The following CTNNA2 variants were observed in gnomAD, a reference collection of about 807,000 sequenced individuals.
The protein encoded by CTNNA2 is catenin alpha 2, also known as catenin alpha-2.
CTNNA2 carries 42 observed loss-of-function variants against 101.0 expected under a neutral mutation model. That is an observed-to-expected ratio of 0.42 (90% CI 0.32 to 0.54). The LOEUF is 0.54. CTNNA2 is among the 20% of genes least tolerant of loss of function. CTNNA2 has a pLI of 0.14. For missense variants in CTNNA2, 871 were observed against 1,223.1 expected (o/e 0.71, Z 4.29); for synonymous variants, 450 against 456.4 (o/e 0.99, Z 0.18).
intron 6 of CTNNA2, among the ~76,000 whole-genome samples, chr2:79,881,500 A>G (rs1683421872): frequency 6.6e-6 from 1 of 152,052 alleles, no homozygotes; most frequent in South Asian, 2.1e-4. Context: ...GTGCTCTTGT[A>G]TTGGGTGCAT....
intron 2 of CTNNA2, among the ~76,000 whole-genome samples, chr2:79,258,364 C>G (rs1412215562): frequency 6.6e-6 from 1 of 152,130 alleles, no homozygotes; most frequent in Admixed American, 6.6e-5. Context: ...TTATGTGAAC[C>G]TGCTAAACAG....
intron 9 of CTNNA2, among the ~76,000 whole-genome samples, chr2:80,521,733 G>A (rs557273880): frequency 5.3e-5 from 8 of 152,260 alleles, no homozygotes; most frequent in African/African-American, 1.9e-4. Context: ...AAAGAATATA[G>A]CACTGCTGAC....
At chr2:79,188,021 G>C (rs939421229) in intron 1 of CTNNA2, among the ~76,000 whole-genome samples, 2 of 151,900 alleles carry the variant, frequency 1.3e-5, no homozygotes, top group East Asian at 3.9e-4. Flanking sequence ...AACAGCAAGA[G>C]GATATCATAA....
intron 3 of CTNNA2, among the ~76,000 whole-genome samples, chr2:79,345,990 G>A (rs1162513071): frequency 6.6e-6 from 1 of 151,546 alleles, no homozygotes; most frequent in Non-Finnish European, 1.5e-5. Context: ...GTGAGCCACC[G>A]TGTCCGGCCA....
At chr2:80,513,892 TTTC>T (rs1210109092) in intron 9 of CTNNA2, among the ~76,000 whole-genome samples, 2 of 152,202 alleles carry the variant, frequency 1.3e-5, no homozygotes, top group African/African-American at 4.8e-5. Flanking sequence ...TAGATGGATA[TTTC>T]TTCTTCAGTA....
At chr2:79,217,053 G>C (rs1325880250) in intron 2 of CTNNA2, among the ~76,000 whole-genome samples, 1 of 152,178 alleles carries the variant, frequency 6.6e-6, no homozygotes, top group African/African-American at 2.4e-5. Flanking sequence ...GAAAGGAATT[G>C]AAATTAAGAG....
intron 18 of CTNNA2, among the ~76,000 whole-genome samples, chr2:80,628,560 A>G (rs772712747): frequency 5.3e-5 from 8 of 150,618 alleles, no homozygotes; most frequent in Non-Finnish European, 1.2e-4. Flanking sequence ...CCTTCCTTAC[A>G]CCTTACACAA....
chr2:80,070,732 G>A (rs1333783708), intron 7 of CTNNA2, among the ~76,000 whole-genome samples: 1 of 128,114 alleles, frequency 7.8e-6, no homozygotes, highest in Non-Finnish European at 1.7e-5. Context: ...AAAAAAAAAA[G>A]TCTGAAATCA....
intron 3 of CTNNA2, among the ~76,000 whole-genome samples, chr2:79,348,403 G>C (rs1677310897): frequency 6.6e-6 from 1 of 152,208 alleles, no homozygotes; most frequent in Admixed American, 6.5e-5. Context: ...AGAATGTACT[G>C]ATGGTAAAAT....
In CTNNA2 at chr2:79,909,767, C is replaced by T. The variant is rs767544687; in HGVS notation, c.1026C>T (p.Leu342=). 3.1e-6 allele frequency: 5 copies of T among 1,611,984 alleles called. No individual in the cohort carries two copies. The highest frequency in any genetic ancestry group is 4.2e-6 in the Non-Finnish European group (5 of 1,178,912). The part of the protein sequence containing the change: ...VAECNAVRQA[L]QDLLSEYMNN... ...AGTGCAACGCCGTGCGGCAGGCGCT[C>T]CAGGACCTGCTCAGCGAGTACATGA... Residue 342 remains leucine (L), a synonymous_variant, in exon 7 of 19, where the codon CTC becomes CTT. Coordinates refer to ENST00000402739, the MANE Select transcript of CTNNA2 (RefSeq NM_001282597.3).
intron 3 of CTNNA2, among the ~76,000 whole-genome samples, chr2:79,364,517 ATAT>A (rs1677701564): frequency 6.6e-6 from 1 of 152,232 alleles, no homozygotes; most frequent in Non-Finnish European, 1.5e-5. Flanking sequence ...TGTGGATAAA[ATAT>A]TATTCTCTTC....
chr2:80,184,122 A>C (rs1429751696), intron 7 of CTNNA2, among the ~76,000 whole-genome samples: 1 of 152,218 alleles, frequency 6.6e-6, no homozygotes, highest in Non-Finnish European at 1.5e-5. Context: ...GTAATTTAAA[A>C]GGAAATTATG....
chr2:79,441,213 C>T (rs115319129), intron 4 of CTNNA2, among the ~76,000 whole-genome samples: 2,973 of 152,274 alleles, frequency 0.02, 95 homozygotes, highest in African/African-American at 0.067. Context: ...GCTGCTCCTC[C>T]TGTTGTTCAT....
At chr2:79,625,264 C>T (rs1274832268) in intron 1 of CTNNA2, among the ~76,000 whole-genome samples, 1 of 152,068 alleles carries the variant, frequency 6.6e-6, no homozygotes, top group East Asian at 1.9e-4. Context: ...GTGATAGAGA[C>T]TCAATTTTTG....
chr2:80,224,204 C>G (rs904329912), intron 7 of CTNNA2, among the ~76,000 whole-genome samples: 28 of 152,166 alleles, frequency 1.8e-4, no homozygotes, highest in Admixed American at 3.3e-4. Flanking sequence ...ACCAAGGAGA[C>G]CCCACACTGC....
At chr2:79,727,892 A>G (rs1271478066) in intron 2 of CTNNA2, among the ~76,000 whole-genome samples, 1 of 151,816 alleles carries the variant, frequency 6.6e-6, no homozygotes, top group Non-Finnish European at 1.5e-5. Flanking sequence ...CCATGTCCCT[A>G]CAAAGGACAT....
At chr2:79,930,229 C>T (rs1036886989) in intron 7 of CTNNA2, among the ~76,000 whole-genome samples, 5 of 136,634 alleles carry the variant, frequency 3.7e-5, no homozygotes, top group Non-Finnish European at 7.7e-5. Context: ...GGTGACAGAG[C>T]GAGACTCTGT....
chr2:79,987,324 G>C (rs1255480032), intron 7 of CTNNA2, among the ~76,000 whole-genome samples: 1 of 152,132 alleles, frequency 6.6e-6, no homozygotes, highest in Non-Finnish European at 1.5e-5. Flanking sequence ...CTTGCTCACT[G>C]TCCTGATTTT....
At position 79,904,980 on chromosome 2, in the gene CTNNA2, G is replaced by A. The variant is rs545662194; in HGVS notation, c.853-4614G>A. Among the ~76,000 whole-genome samples the A allele has an allele frequency of 3.7e-4, 57 of 152,272 alleles. No homozygotes were observed. The South Asian group carries it at 9.7e-3, about 26-fold the overall frequency. On this transcript the variant is annotated intron_variant, in intron 6 of 18. Transcript: ENST00000402739. ...TTTTAGGTTAAAATTTTTATAGAGC[G>A]CCACATGAGAGCAAATGGGAGATCA...
Sources: allele counts gnomAD v4.1 joint callset (sites outside exome capture counted in the v4.1 genomes callset), GRCh38; gene constraint gnomAD v4.1.1; transcripts MANE v1.5; gene names NCBI Gene and HGNC (gene_info 2026-07-23, HGNC 2026-07-21).